SYTL2: variants seen among roughly 807,000 people sequenced by gnomAD.
SYTL2 encodes synaptotagmin-like protein 2.
A neutral mutation model predicts 198.7 loss-of-function variants in SYTL2; 165 were observed. The observed-to-expected ratio is 0.83, with a 90% CI of 0.73 to 0.94. The LOEUF (loss-of-function observed/expected upper bound fraction) is 0.94, where lower values mean the gene tolerates loss of function less well. SYTL2 is among the 40% of genes least tolerant of loss of function. The pLI is 0.00. For missense variants in SYTL2, 2,835 were observed against 2,582.8 expected (o/e 1.10, Z -2.12); for synonymous variants, 966 against 917.7 (o/e 1.05, Z -0.95).
At position 85,724,362 on chromosome 11, in the gene SYTL2, G is replaced by A. The variant is rs1220007773; in HGVS notation, c.4996C>T (p.Gln1666Ter). The A allele has an allele frequency of 2.5e-6, 4 of 1,588,738 alleles. No homozygotes were observed. Among genetic ancestry groups the A allele is most frequent in the Non-Finnish European group, 3.4e-6 (4 of 1,169,816 alleles). ...CCTATTTCATGAGCCACATAAAGTT[G>A]TGGGGTTCTAGGGATCTCAACTCCA... ...RSGVEIPRTPQLYVAHEIGTI... is the reference protein window; with the variant it reads ...RSGVEIPRTP The change falls in exon 8 of 20, where the codon CAA becomes TAA. Residue 1666 changes from glutamine to a stop codon, truncating the protein, a stop_gained. Coordinates refer to ENST00000359152, the MANE Select transcript of SYTL2 (RefSeq NM_206927.4). LOFTEE classifies it high-confidence loss of function.
intron 13 of SYTL2, among the ~76,000 whole-genome samples, chr11:85,709,711 C>A (rs919115056): frequency 6.6e-6 from 1 of 152,180 alleles, no homozygotes; most frequent in Admixed American, 6.5e-5. Context: ...GAGACAGAGT[C>A]TCACTCTGTT....
chr11:85,714,492 G>A lies in SYTL2; in HGVS notation c.5546C>T (p.Thr1849Ile), dbSNP rs115012947. 1.3e-4 allele frequency: 202 copies of A among 1,613,140 alleles called. No individual in the cohort carries two copies. In the East Asian group the frequency reaches 4.4e-3, roughly 35 times the overall value. ...GTGAGAAAATGGATTATCAGGTTGT[G>A]TAGGCACTGTGGAAACTAAACAGCA... Reference protein sequence around the residue: ...ECVPRISTVPTQPDNPFSHPD... With the variant: ...ECVPRISTVPIQPDNPFSHPD... The change falls in exon 12 of 20, where the codon ACA becomes ATA. Residue 1849 changes from threonine to isoleucine, a missense_variant. Thr to Ile is a moderately conservative substitution (Grantham distance 89). Around this residue, in one of 3 missense-constraint regions of SYTL2, gnomAD observed 2,645 missense variants for 2,381.7 expected, o/e 1.11. Transcript: ENST00000359152.
chr11:85,787,773 G>A (rs2092662091), intron 1 of SYTL2, among the ~76,000 whole-genome samples: 1 of 146,012 alleles, frequency 6.8e-6, no homozygotes, highest in African/African-American at 2.5e-5. Context: ...GATAATGGAG[G>A]AAGACACCTG....
chr11:85,851,031 TGGGGGGA>T, the SYTL2 span, among the ~76,000 whole-genome samples: 1,509 of 67,886 alleles, frequency 0.022, 18 homozygotes, highest in African/African-American at 0.051. Context: ...TGTGGTGGGG[TGGGGGGA>T]GGGGGGAGGG....
Position 85,696,248 on chromosome 11 carries a change from G to A in SYTL2, c.6509C>T (p.Thr2170Ile). 1 of 1,613,504 alleles carries A rather than the reference G, an allele frequency of 6.2e-7. No individual in the cohort carries two copies. Among genetic ancestry groups the A allele is most frequent in the Non-Finnish European group, 8.5e-7 (1 of 1,179,812 alleles). The change falls in exon 19 of 20, where the codon ACT (threonine) becomes ATT (isoleucine). Residue 2170 changes from threonine to isoleucine, a missense_variant. Thr to Ile is a moderately conservative substitution (Grantham distance 89). Around this residue, in one of 3 missense-constraint regions of SYTL2, gnomAD observed 185 missense variants for 182.1 expected, o/e 1.02. Coordinates refer to ENST00000359152, the MANE Select transcript of SYTL2 (RefSeq NM_206927.4). ...EDLMEACVEL[T>I]VWDHYKLTNQ... The stretch of plus-strand genomic sequence containing the variant: ...GGTTAATTTGTAATGGTCCCAGACA[G>A]TAAGCTCTACACAGGCTTCCATCAG...
intron 1 of SYTL2, among the ~76,000 whole-genome samples, chr11:85,797,009 C>A (rs533554699): frequency 6.6e-6 from 1 of 152,008 alleles, no homozygotes; most frequent in Admixed American, 6.6e-5. Flanking sequence ...GGCAACATAG[C>A]AATACCCCAT....
At chr11:85,781,779 C>T (rs1362091678) in intron 1 of SYTL2, among the ~76,000 whole-genome samples, 2 of 152,250 alleles carry the variant, frequency 1.3e-5, no homozygotes, top group South Asian at 2.1e-4. Flanking sequence ...CCTTTGAGAT[C>T]TCCATGTCTC....
At chr11:85,701,419 A>G (rs530501281) in intron 16 of SYTL2, among the ~76,000 whole-genome samples, 2 of 152,326 alleles carry the variant, frequency 1.3e-5, no homozygotes, top group African/African-American at 4.8e-5. Flanking sequence ...AAAGTTTCAG[A>G]TTTTGGAGCA....
chr11:85,730,528 C>G (rs879167240), intron 7 of SYTL2, among the ~76,000 whole-genome samples: 1 of 152,022 alleles, frequency 6.6e-6, no homozygotes, highest in Non-Finnish European at 1.5e-5. Context: ...AAAAGGCCTT[C>G]GAAAAAATTC....
At chr11:85,717,343 C>A (rs561416425) in intron 11 of SYTL2, 140 bp downstream of exon 11, 2 of 666,822 alleles carry the variant, frequency 3.0e-6, no homozygotes, top group African/African-American at 1.8e-5. Context: ...AAACCCTTAT[C>A]GTAATGAAAT....
chr11:85,764,810 CT>C (rs1291092886), intron 1 of SYTL2, among the ~76,000 whole-genome samples: 1 of 152,194 alleles, frequency 6.6e-6, no homozygotes, highest in Non-Finnish European at 1.5e-5. Context: ...CAACATGCAC[CT>C]ATTTATATAT....
chr11:85,788,183 A>T (rs1402216989), intron 1 of SYTL2, among the ~76,000 whole-genome samples: 1 of 152,204 alleles, frequency 6.6e-6, no homozygotes, highest in Admixed American at 6.5e-5. Context: ...TTGAACCCTA[A>T]CTATGTGCCT....
chr11:85,734,523 G>T lies in SYTL2; in HGVS notation c.806C>A (p.Ala269Asp). The T allele has an allele frequency of 6.8e-6, 11 of 1,614,214 alleles. No homozygotes were observed. Among genetic ancestry groups the T allele is most frequent in the Non-Finnish European group, 9.3e-6 (11 of 1,180,012 alleles). ...GTTGCGCTTGAGGATCCCTCTCGGA[G>T]CCCCTCTCGCTTTCAGGGAGTCTGT... ...QRTDSLKARG[A>D]PRGILKRNSS... Residue 269 changes from alanine (A) to aspartate (D), a missense_variant, in exon 7 of 20, where the codon GCT becomes GAT. Around this residue, in one of 3 missense-constraint regions of SYTL2, gnomAD observed 2,645 missense variants for 2,381.7 expected, o/e 1.11. Coordinates refer to ENST00000359152, the MANE Select transcript of SYTL2 (RefSeq NM_206927.4).
At chr11:85,756,310 T>G (rs2153547666) in intron 2 of SYTL2, among the ~76,000 whole-genome samples, 3 of 152,276 alleles carry the variant, frequency 2.0e-5, no homozygotes, top group Middle Eastern at 6.8e-3. Flanking sequence ...GCAAGGGACC[T>G]TTGAGGAACA....
At position 85,777,812 on chromosome 11, in the gene SYTL2, C is replaced by CTTTTTTTTTTTTTTT. The variant is rs57873368; in HGVS notation, c.-389-19713_-389-19699dup. 7.9e-5 allele frequency among the ~76,000 whole-genome samples: 5 copies of CTTTTTTTTTTTTTTT among 63,290 alleles called. 1 individual carries two copies. The highest frequency in any genetic ancestry group is 2.4e-4 in the Admixed American group (1 of 4,144). 41.5% of individuals were successfully genotyped at this position (63,290 alleles called of 152,430 possible). Reference sequence around the variant, plus strand: ...CTTACCAGAATTACAGGTCTTACTTCTTTTTTTTTTTTTTTTTTTTTTTTT... The same window carrying CTTTTTTTTTTTTTTT: ...CTTACCAGAATTACAGGTCTTACTTCTTTTTTTTTTTTTTTTTTTTTTTTTTTTTTTTTTTTTTTT... On this transcript the variant is annotated intron_variant, in intron 1 of 19. Transcript: ENST00000359152.
intron 1 of SYTL2, among the ~76,000 whole-genome samples, chr11:85,783,071 C>T (rs2092586337): frequency 6.6e-6 from 1 of 152,134 alleles, no homozygotes; most frequent in Non-Finnish European, 1.5e-5. Context: ...AGTACCAAAT[C>T]ACTGTATTAG....
the SYTL2 span, among the ~76,000 whole-genome samples, chr11:85,836,356 C>A: frequency 3.3e-4 from 50 of 152,168 alleles, no homozygotes; most frequent in Non-Finnish European, 5.6e-4. Context: ...CCAACCCCAC[C>A]ATACACGTAT....
At chr11:85,762,646 T>C (rs1234169112) in intron 1 of SYTL2, among the ~76,000 whole-genome samples, 1 of 152,232 alleles carries the variant, frequency 6.6e-6, no homozygotes, top group African/African-American at 2.4e-5. Context: ...CCTTCAGGCT[T>C]TTGCATGTGC....
rs771676254 is a variant in SYTL2 at position 85,705,017 on chromosome 11, T to C, written c.6030A>G (p.Glu2010=). ...ATTTCTGTGTCTTTAAGATTTGTTT[T>C]TCAATTTTATACTGAAGTTCAAAGA... ...VYNEILRYKI[E]KQILKTQKLN... The change falls in exon 16 of 20, where the codon GAA becomes GAG. Residue 2010 remains glutamate, a synonymous_variant. Transcript: ENST00000359152. 1 of 1,610,720 alleles carries C rather than the reference T, an allele frequency of 6.2e-7. No individual in the cohort carries two copies. Among genetic ancestry groups the C allele is most frequent in the Non-Finnish European group, 8.5e-7 (1 of 1,177,844 alleles).
Sources: gnomAD v4.1 joint callset for allele counts (sites outside exome capture counted in the v4.1 genomes callset) on GRCh38, gnomAD v4.1.1 for gene constraint, gnomAD v4.1.1 regional missense constraint, MANE v1.5 for transcripts, NCBI Gene and HGNC (gene_info 2026-07-23, HGNC 2026-07-21) for gene names.